The following NAALADL2 variants were observed in gnomAD, a reference collection of about 807,000 sequenced individuals.
NAALADL2 encodes the protein inactive N-acetylated-alpha-linked acidic dipeptidase-like protein 2.
In NAALADL2, 76 loss-of-function variants were observed where a neutral mutation model predicts 87.2. The ratio of observed to expected loss-of-function variants is 0.87; its 90% CI spans 0.72 to 1.05. The LOEUF (loss-of-function observed/expected upper bound fraction) is 1.05. Ranked by LOEUF, NAALADL2 falls within the 50% of genes least tolerant of loss-of-function variation. NAALADL2 has a pLI of 0.00. For missense variants in NAALADL2, 1,089 were observed against 945.8 expected (o/e 1.15, Z -1.99); for synonymous variants, 354 against 331.0 (o/e 1.07, Z -0.75).
rs1432002493 is a variant in NAALADL2, at chr3:175,132,320, C to T, written c.545+35029C>T. On this transcript the variant is annotated intron_variant, in intron 2 of 13. Transcript: ENST00000454872. ...AGCTGGCCGGGTGGGGCTGACCCCCCCACCTCCTTCCCGGACGAGGCGGCT... is the reference window on the plus strand; with the variant it reads ...AGCTGGCCGGGTGGGGCTGACCCCCTCACCTCCTTCCCGGACGAGGCGGCT... Among the ~76,000 whole-genome samples, 3 of 80,386 alleles carry T rather than the reference C, an allele frequency of 3.7e-5. 1 individual carries two copies. The highest frequency in any genetic ancestry group is 7.1e-5 in the Non-Finnish European group (3 of 42,398). The allele number at this position is 80,386 out of a possible 152,430, so 52.7% of individuals were successfully genotyped here.
intron 3 of NAALADL2, among the ~76,000 whole-genome samples, chr3:174,747,520 G>T (rs1436520476): frequency 6.6e-6 from 1 of 150,700 alleles, no homozygotes; most frequent in Admixed American, 6.7e-5. Flanking sequence ...TACTCAGGAG[G>T]CTGAGGCAGG....
At chr3:175,108,649 A>G (rs1295504061) in intron 2 of NAALADL2, among the ~76,000 whole-genome samples, 2 of 152,006 alleles carry the variant, frequency 1.3e-5, no homozygotes, top group African/African-American at 4.8e-5. Context: ...AAGCTGCTAC[A>G]TAGATTTAAA....
chr3:175,005,799 T>A lies in NAALADL2; in HGVS notation c.44-90991T>A, dbSNP rs114560846. Among the ~76,000 whole-genome samples, 913 of 152,292 alleles carry A rather than the reference T, an allele frequency of 6.0e-3. 4 individuals carry two copies. The highest frequency in any genetic ancestry group is 0.019 in the African/African-American group (784 of 41,566). On this transcript the variant is annotated intron_variant, in intron 1 of 13. Coordinates refer to ENST00000454872, the MANE Select transcript of NAALADL2 (RefSeq NM_207015.3). ...GTACATACTTTGTTTTATTTTAGAT[T>A]TAAGAGATCAAAAAGTTGCTTTTTT...
chr3:174,802,317 A>G (rs1179065389), intron 3 of NAALADL2, among the ~76,000 whole-genome samples: 2 of 152,168 alleles, frequency 1.3e-5, no homozygotes, highest in African/African-American at 4.8e-5. Flanking sequence ...CTAAGTACTG[A>G]TTGTGATAAA....
intron 1 of NAALADL2, among the ~76,000 whole-genome samples, chr3:175,093,322 A>G (rs1295321030): frequency 6.6e-6 from 1 of 150,956 alleles, no homozygotes; most frequent in African/African-American, 2.4e-5. Context: ...TCTTGATGGG[A>G]ACCATAGAAT....
At chr3:174,601,395 G>A (rs947343893) in intron 2 of NAALADL2, among the ~76,000 whole-genome samples, 4 of 152,132 alleles carry the variant, frequency 2.6e-5, no homozygotes, top group Non-Finnish European at 4.4e-5. Flanking sequence ...GATGATTAGT[G>A]ATGTTGAGCA....
At chr3:175,138,887 A>AATACAT (rs1729547692) in intron 2 of NAALADL2, among the ~76,000 whole-genome samples, 2 of 95,434 alleles carry the variant, frequency 2.1e-5, no homozygotes, top group South Asian at 7.2e-4. Context: ...AGCCTTTTAA[A>AATACAT]ATATATATAT....
chr3:175,714,340 C>T (rs1740946321), intron 11 of NAALADL2, among the ~76,000 whole-genome samples: 1 of 152,110 alleles, frequency 6.6e-6, no homozygotes, highest in Non-Finnish European at 1.5e-5. Flanking sequence ...AATTTATGCT[C>T]CCACCAACAG....
intron 4 of NAALADL2, among the ~76,000 whole-genome samples, chr3:175,295,809 C>T (rs1756283924): frequency 6.6e-6 from 1 of 151,764 alleles, no homozygotes; most frequent in Non-Finnish European, 1.5e-5. Flanking sequence ...AGCCCTAAAA[C>T]AATCATACAA....
At chr3:174,873,186 ACT>A (rs971278871) in intron 1 of NAALADL2, among the ~76,000 whole-genome samples, 1 of 141,942 alleles carries the variant, frequency 7.0e-6, no homozygotes, top group African/African-American at 2.9e-5. Context: ...ACTAAAACTC[ACT>A]CTCTCTGTCT....
At chr3:174,708,746 G>A (rs1252546222) in intron 2 of NAALADL2, among the ~76,000 whole-genome samples, 1 of 152,018 alleles carries the variant, frequency 6.6e-6, no homozygotes, top group African/African-American at 2.4e-5. Flanking sequence ...TGAATTAATA[G>A]CATTTTATCC....
intron 11 of NAALADL2, among the ~76,000 whole-genome samples, chr3:175,719,182 A>T (rs938778989): frequency 2.0e-5 from 3 of 151,726 alleles, no homozygotes; most frequent in Admixed American, 6.6e-5. Flanking sequence ...CAATGTCTGG[A>T]GACATCTTTT....
chr3:175,582,196 A>G (rs1719880692), intron 10 of NAALADL2, among the ~76,000 whole-genome samples: 1 of 152,122 alleles, frequency 6.6e-6, no homozygotes, highest in Non-Finnish European at 1.5e-5. Context: ...AAACACAAGA[A>G]GTTGAAATAT....
chr3:175,565,659 C>T (rs529717485), intron 9 of NAALADL2, among the ~76,000 whole-genome samples: 2 of 152,064 alleles, frequency 1.3e-5, no homozygotes, highest in East Asian at 3.9e-4. Context: ...CTGTTCTCTC[C>T]CCAGTGATAT....
At chr3:175,311,100 T>C (rs1293470988) in intron 4 of NAALADL2, among the ~76,000 whole-genome samples, 3 of 152,156 alleles carry the variant, frequency 2.0e-5, no homozygotes, top group African/African-American at 7.2e-5. Context: ...AACAGGAGTT[T>C]ATAAGCACCT....
intron 1 of NAALADL2, among the ~76,000 whole-genome samples, chr3:174,977,881 A>G (rs1015491107): frequency 1.3e-5 from 2 of 152,210 alleles, no homozygotes; most frequent in Non-Finnish European, 2.9e-5. Context: ...CCAAAATTCA[A>G]TGCTGCCTAT....
At chr3:175,294,955 G>A (rs1756128738) in intron 4 of NAALADL2, among the ~76,000 whole-genome samples, 1 of 152,194 alleles carries the variant, frequency 6.6e-6, no homozygotes, top group South Asian at 2.1e-4. Flanking sequence ...GTGTGACTGA[G>A]TAGAAGTGAG....
chr3:175,603,487 C>T (rs539858640), intron 10 of NAALADL2, among the ~76,000 whole-genome samples: 1 of 152,168 alleles, frequency 6.6e-6, no homozygotes, highest in Non-Finnish European at 1.5e-5. Flanking sequence ...CTTCTCCCTC[C>T]AGGCCCTGAC....
chr3:175,052,212 G>A (rs1025376573), intron 1 of NAALADL2, among the ~76,000 whole-genome samples: 2 of 152,224 alleles, frequency 1.3e-5, no homozygotes, highest in African/African-American at 4.8e-5. Flanking sequence ...TGTGGTTTAA[G>A]AACATCTTTC....
Sources: allele counts gnomAD v4.1 joint callset (sites outside exome capture counted in the v4.1 genomes callset), GRCh38; gene constraint gnomAD v4.1.1; transcripts MANE v1.5; gene names NCBI Gene and HGNC (gene_info 2026-07-23, HGNC 2026-07-21).